The following BCL7A variants were observed in gnomAD, a reference collection of about 807,000 sequenced individuals.
The protein encoded by BCL7A is BAF chromatin remodeling complex subunit BCL7A.
A neutral mutation model predicts 28.4 loss-of-function variants in BCL7A; 11 were observed. The ratio of observed to expected loss-of-function variants is 0.39; its 90% confidence interval spans 0.24 to 0.64. BCL7A has a LOEUF of 0.64. Among genes scored for constraint, BCL7A ranks in the 30% least tolerant of loss-of-function variants. BCL7A has a pLI of 0.50. For missense variants in BCL7A, 222 were observed against 274.8 expected (o/e 0.81, Z 1.36); for synonymous variants, 123 against 103.3 (o/e 1.19, Z -1.15).
chr12:122,023,384 G>A, intron 1 of BCL7A, among the ~76,000 whole-genome samples: 1 of 152,296 alleles, frequency 6.6e-6, no homozygotes, highest in South Asian at 2.1e-4. Flanking sequence ...GGCAGGGGAT[G>A]TTTACGTTTG....
chr12:122,054,274 A>T (rs1884260867), intron 4 of BCL7A, among the ~76,000 whole-genome samples: 1 of 152,078 alleles, frequency 6.6e-6, no homozygotes, highest in South Asian at 2.1e-4. Context: ...TTTTTAGTAG[A>T]GACGGGGTTT....
intron 4 of BCL7A, among the ~76,000 whole-genome samples, chr12:122,052,444 A>G (rs559717832): frequency 3.4e-4 from 52 of 152,296 alleles, no homozygotes; most frequent in Non-Finnish European, 5.9e-4. Flanking sequence ...ATCTGGTTCC[A>G]AAACATTTTA....
At chr12:122,044,688 T>C (rs1884035639) in intron 4 of BCL7A, among the ~76,000 whole-genome samples, 1 of 151,870 alleles carries the variant, frequency 6.6e-6, no homozygotes, top group Non-Finnish European at 1.5e-5. Context: ...GAGCTGGGCA[T>C]GGTGGCATGT....
rs1162979194 is a variant in BCL7A at position 122,054,889 on chromosome 12, A to G, written c.524A>G (p.Asp175Gly). 1 of 1,613,934 alleles carries G rather than the reference A, an allele frequency of 6.2e-7. No homozygotes were observed. Among genetic ancestry groups the G allele is most frequent in the African/African-American group, 1.3e-5 (1 of 74,934 alleles). The change falls in exon 5 of 6, where the codon GAC becomes GGC. Residue 175 changes from aspartate to glycine, a missense_variant. Asp to Gly is a moderately conservative substitution (Grantham distance 94, BLOSUM62 -1). Coordinates refer to ENST00000261822, the MANE Select transcript of BCL7A (RefSeq NM_001024808.3). ...AAAGTAGATCGGCAGCCGTCTGGAG[A>G]CTCGGGTCTGGCCGCAGAGACGTCT... ...SEKVDRQPSG[D>G]SGLAAETSAI... is the part of the protein sequence containing the mutation.
chr12:122,059,834 T>TG lies in BCL7A; in HGVS notation c.*675dup, dbSNP rs1951906162. ...CCAGGGCCCAAGGACGCGCAGGTGT[T>TG]GGGGCACAGTCCCCAAGGGCTCGGC... On this transcript the variant is annotated 3_prime_UTR_variant, in exon 6 of 6. Transcript: ENST00000261822. This position sits in a 1 kb window ranked among gnomAD's most constrained non-coding sequence, Gnocchi z 4.0. 2 of 231,898 alleles carry TG rather than the reference T, an allele frequency of 8.6e-6. No homozygotes were observed. Among genetic ancestry groups the TG allele is most frequent in the African/African-American group, 4.4e-5 (2 of 45,240 alleles). 14.4% of individuals were successfully genotyped at this position (231,898 alleles called of 1,614,324 possible).
intron 2 of BCL7A, among the ~76,000 whole-genome samples, chr12:122,033,224 C>T (rs1166787690): frequency 1.3e-5 from 2 of 151,954 alleles, no homozygotes; most frequent in African/African-American, 4.8e-5. Context: ...CAGCCTCGAC[C>T]TCCTGGGCTC....
chr12:122,061,314 G>A lies in BCL7A; in HGVS notation c.*2151G>A, dbSNP rs1951919172. On this transcript the variant is annotated 3_prime_UTR_variant, in exon 6 of 6. Coordinates refer to ENST00000261822, the MANE Select transcript of BCL7A (RefSeq NM_001024808.3). ...CTCTGGACAGGCAAGGGGAGTTGGCGCAGGTGAGGACTCAGACGACGTCCA... is the reference window on the plus strand; with the variant it reads ...CTCTGGACAGGCAAGGGGAGTTGGCACAGGTGAGGACTCAGACGACGTCCA... 4.3e-6 allele frequency: 1 copy of A among 231,164 alleles called. No homozygotes were observed. 14.3% of individuals were successfully genotyped at this position (231,164 alleles called of 1,614,324 possible).
At chr12:122,040,585 T>C (rs961676064) in intron 3 of BCL7A, among the ~76,000 whole-genome samples, 1 of 146,844 alleles carries the variant, frequency 6.8e-6, no homozygotes, top group African/African-American at 2.5e-5. Flanking sequence ...GGATAAACTC[T>C]CCAGAAAAAT....
intron 4 of BCL7A, among the ~76,000 whole-genome samples, chr12:122,045,830 T>C (rs1300942355): frequency 6.6e-6 from 1 of 151,828 alleles, no homozygotes; most frequent in Non-Finnish European, 1.5e-5. Flanking sequence ...AGCTTATGCT[T>C]ATAATCTCAG....
chr12:122,043,973 A>C lies in BCL7A; in HGVS notation c.359A>C (p.Asn120Thr), dbSNP rs34821485. 0.041 allele frequency: 66,363 copies of C among 1,613,824 alleles called. 1,542 individuals carry two copies. The highest frequency in any genetic ancestry group is 0.046 in the Non-Finnish European group (54,474 of 1,179,926). Residue 120 changes from asparagine (N) to threonine (T), a missense_variant, in exon 4 of 6, where the codon AAC becomes ACC. Asn to Thr is a moderately conservative substitution (Grantham distance 65). Around this residue, in one of 2 missense-constraint regions of BCL7A, gnomAD observed 155 missense variants for 145.7 expected, o/e 1.06. Coordinates refer to ENST00000261822, the MANE Select transcript of BCL7A (RefSeq NM_001024808.3). ...SSNSSPAPEP[N>T]SAVPSDGTEA... is the part of the protein sequence containing the mutation. ...AACTCCAGCCCCGCTCCAGAGCCCA[A>C]CTCGGCTGTGCCCAGCGACGGCACC...
Position 122,052,878 on chromosome 12 carries a change from G to A in BCL7A, c.440-1927G>A, listed in dbSNP as rs974569061. On this transcript the variant is annotated intron_variant, in intron 4 of 5. Coordinates refer to ENST00000261822, the MANE Select transcript of BCL7A (RefSeq NM_001024808.3). ...TTGTATTTTTTTAGTCGGGGGGGGG[G>A]GGGGGTTTGCCATGTTGGCCAGGCT... Among the ~76,000 whole-genome samples, 38 of 135,878 alleles carry A rather than the reference G, an allele frequency of 2.8e-4. 1 individual carries two copies. The highest frequency in any genetic ancestry group is 8.0e-4 in the African/African-American group (30 of 37,382). The allele number at this position is 135,878 out of a possible 152,430, so 89.1% of individuals were successfully genotyped here.
chr12:122,059,063 C>T lies in BCL7A; in HGVS notation c.562-29C>T. ...TAACTTGCTCTCCTGGCCCATTAAC[C>T]TGTGTTCCCCTTTTCTCCTCTCCCC... On this transcript the variant is annotated intron_variant, in intron 5 of 5. Coordinates refer to ENST00000261822, the MANE Select transcript of BCL7A (RefSeq NM_001024808.3). This position sits in a 1 kb window ranked among gnomAD's most constrained non-coding sequence, Gnocchi z 4.0. The T allele has an allele frequency of 6.4e-7, 1 of 1,571,126 alleles. No individual in the cohort carries two copies. The highest frequency in any genetic ancestry group is 8.8e-7 in the Non-Finnish European group (1 of 1,140,750).
intron 4 of BCL7A, among the ~76,000 whole-genome samples, chr12:122,046,000 C>T (rs532438685): frequency 8.1e-6 from 1 of 122,730 alleles, no homozygotes; most frequent in African/African-American, 3.1e-5. Context: ...CCTGAGAGGT[C>T]GAGGCTGCAG....
rs1296490434 is a variant in BCL7A at position 122,054,893 on chromosome 12, G to A, written c.528G>A (p.Ser176=). 4.3e-6 allele frequency: 7 copies of A among 1,614,056 alleles called. No homozygotes were observed. Among genetic ancestry groups the A allele is most frequent in the Non-Finnish European group, 5.9e-6 (7 of 1,180,032 alleles). Reference sequence around the variant, plus strand: ...TAGATCGGCAGCCGTCTGGAGACTCGGGTCTGGCCGCAGAGACGTCTGCAA... The same window carrying A: ...TAGATCGGCAGCCGTCTGGAGACTCAGGTCTGGCCGCAGAGACGTCTGCAA... The part of the protein sequence containing the change: ...EKVDRQPSGD[S]GLAAETSAIS... The change falls in exon 5 of 6, where the codon TCG becomes TCA. Residue 176 remains serine (S), a synonymous_variant. Transcript: ENST00000261822.
At chr12:122,034,235 ATATATATATC>A (rs1255821383) in intron 2 of BCL7A, among the ~76,000 whole-genome samples, 1 of 60,128 alleles carries the variant, frequency 1.7e-5, no homozygotes, top group East Asian at 4.3e-4. Flanking sequence ...ATATATATAT[ATATATATATC>A]TTGGCGATAT....
chr12:122,060,961 T>TAA lies in BCL7A; in HGVS notation c.*1808_*1809dup. The TAA allele has an allele frequency of 2.4e-5, 5 of 207,530 alleles. No homozygotes were observed. Among genetic ancestry groups the TAA allele is most frequent in the East Asian group, 2.3e-4 (3 of 13,276 alleles). The allele number at this position is 207,530 out of a possible 1,614,324, so 12.9% of individuals were successfully genotyped here. On this transcript the variant is annotated 3_prime_UTR_variant, in exon 6 of 6. Transcript: ENST00000261822. ...TAGCAATGCCGAAAGGTTTCTGTCT[T>TAA]AAAAAAAAAAATCCTTGTACTTATC... is the stretch of plus-strand genomic sequence containing the variant.
rs1883900095 is a variant in BCL7A, at chr12:122,038,431, C to CACAAAAAA, written c.271+3005_271+3006insCAAAAAAA. 1.2e-3 allele frequency among the ~76,000 whole-genome samples: 41 copies of CACAAAAAA among 33,554 alleles called. 10 individuals carry two copies. The highest frequency in any genetic ancestry group is 3.0e-3 in the African/African-American group (41 of 13,536). 22.0% of individuals were successfully genotyped at this position (33,554 alleles called of 152,430 possible). On this transcript the variant is annotated intron_variant, in intron 3 of 5. Transcript: ENST00000261822. ...TGGGCAAAGGAGCGAGACTCTGCCT[C>CACAAAAAA]AAAAAAAAAAAAAAAAAAAAAAAAA...
intron 5 of BCL7A, 177 bp downstream of exon 5, chr12:122,055,103 G>A: frequency 7.6e-7 from 1 of 1,314,996 alleles, no homozygotes; most frequent in Non-Finnish European, 1.0e-6. Context: ...TCTGCCTTGG[G>A]CTCTGGGGCC....
At chr12:122,053,034 C>G (rs964636044) in intron 4 of BCL7A, among the ~76,000 whole-genome samples, 32 of 151,860 alleles carry the variant, frequency 2.1e-4, no homozygotes, top group African/African-American at 7.7e-4. Flanking sequence ...CTTACTCTGT[C>G]GCCCAGGCTG....
Sources: gnomAD v4.1 joint callset for allele counts (sites outside exome capture counted in the v4.1 genomes callset) on GRCh38, gnomAD v4.1.1 for gene constraint, gnomAD v4.1.1 regional missense constraint, Gnocchi (gnomAD v3.1) non-coding constraint, MANE v1.5 for transcripts, NCBI Gene and HGNC (gene_info 2026-07-23, HGNC 2026-07-21) for gene names.